Variants in LRBA observed in about 807,000 individuals in gnomAD.
LRBA encodes the protein LPS responsive beige-like anchor protein, also known as lipopolysaccharide-responsive and beige-like anchor protein.
In LRBA, 176 loss-of-function variants were observed where a neutral mutation model predicts 330.0. The observed-to-expected ratio is 0.53, with a 90% CI of 0.47 to 0.60. LRBA has a LOEUF of 0.60. Among genes scored for constraint, LRBA ranks in the 20% least tolerant of loss-of-function variants. The pLI is 0.00. For synonymous variants in LRBA, 1,230 were observed against 1,193.0 expected, an observed-to-expected ratio of 1.03 and a Z score of -0.64; for missense variants, 3,259 against 3,444.8, an observed-to-expected ratio of 0.95 and a Z score of 1.35.
intron 40 of LRBA, among the ~76,000 whole-genome samples, chr4:150,503,299 C>T (rs1275041191): frequency 6.6e-6 from 1 of 152,186 alleles, no homozygotes; most frequent in African/African-American, 2.4e-5. Context: ...TGGGAGGCAC[C>T]CCCCAGTAGG....
chr4:150,533,266 A>C (rs1764244530), intron 40 of LRBA, among the ~76,000 whole-genome samples: 1 of 152,004 alleles, frequency 6.6e-6, no homozygotes, highest in African/African-American at 2.4e-5. Flanking sequence ...TCACAGCCTC[A>C]ACTTCCTGGG....
intron 37 of LRBA, among the ~76,000 whole-genome samples, chr4:150,599,513 G>A (rs1773884752): frequency 6.6e-6 from 1 of 152,122 alleles, no homozygotes; most frequent in Non-Finnish European, 1.5e-5. Context: ...CCAGAATAGG[G>A]AAAAGGCTAT....
intron 40 of LRBA, among the ~76,000 whole-genome samples, chr4:150,556,342 CTA>C (rs1767311291): frequency 1.3e-5 from 2 of 152,110 alleles, no homozygotes; most frequent in Non-Finnish European, 2.9e-5. Context: ...TAAACAGCAA[CTA>C]TGTTTGAAGT....
At chr4:150,876,703 C>T (rs757497547) in intron 17 of LRBA, among the ~76,000 whole-genome samples, 1 of 152,164 alleles carries the variant, frequency 6.6e-6, no homozygotes, top group Non-Finnish European at 1.5e-5. Flanking sequence ...TACAAGAGAT[C>T]CTTAAGGGAG....
chr4:150,649,962 A>G (rs922238771), intron 37 of LRBA, among the ~76,000 whole-genome samples: 1 of 152,188 alleles, frequency 6.6e-6, no homozygotes, highest in African/African-American at 2.4e-5. Flanking sequence ...AATAATAGAT[A>G]AGAGGTTGCG....
chr4:150,445,150 T>C lies in LRBA; in HGVS notation c.6781-8286A>G, dbSNP rs565826035. On this transcript the variant is annotated intron_variant, in intron 44 of 56. Coordinates refer to ENST00000651943, the MANE Select transcript of LRBA (RefSeq NM_001364905.1). The stretch of plus-strand genomic sequence containing the variant: ...CCACTTAAAAAACCAGTTAAGGCCA[T>C]TAAAATCAAATAAATCTATATGCTT... 3.0e-4 allele frequency among the ~76,000 whole-genome samples: 46 copies of C among 152,178 alleles called. 2 individuals carry two copies. In the South Asian group the frequency reaches 9.5e-3, roughly 32 times the overall value.
In LRBA at chr4:150,487,727, A is replaced by G. The variant is rs760286539; in HGVS notation, c.6551+5T>C. The G allele has an allele frequency of 6.4e-7, 1 of 1,572,976 alleles. No homozygotes were observed. The highest frequency in any genetic ancestry group is 2.3e-5 in the East Asian group (1 of 44,422). On this transcript the variant is annotated splice_donor_5th_base_variant and intron_variant, in intron 42 of 56. Transcript: ENST00000651943. ...TTTCCCTAAGTTTCTCATATAAAAC[A>G]GTACCTGGTTTGAGGCAATCCAAAA... is the stretch of plus-strand genomic sequence containing the variant.
intron 55 of LRBA, among the ~76,000 whole-genome samples, chr4:150,281,384 C>T (rs572725407): frequency 6.6e-6 from 1 of 152,176 alleles, no homozygotes; most frequent in South Asian, 2.1e-4. Context: ...AGAAGGAAGC[C>T]GTCCACTGAA....
chr4:150,965,899 A>G (rs1385449808), intron 2 of LRBA, among the ~76,000 whole-genome samples: 1 of 152,070 alleles, frequency 6.6e-6, no homozygotes, highest in Non-Finnish European at 1.5e-5. Context: ...AGCAAGGGAT[A>G]ATGTATGCTG....
chr4:150,742,301 G>A (rs990614844), intron 35 of LRBA, among the ~76,000 whole-genome samples: 8 of 151,500 alleles, frequency 5.3e-5, no homozygotes, highest in Non-Finnish European at 1.2e-4. Context: ...ATGTGCCATC[G>A]TACCCTGTAA....
At chr4:150,922,846 C>T (rs562732858) in intron 4 of LRBA, among the ~76,000 whole-genome samples, 1 of 152,166 alleles carries the variant, frequency 6.6e-6, no homozygotes, top group African/African-American at 2.4e-5. Flanking sequence ...CTCATAACCA[C>T]CCTATGGGAT....
At chr4:150,567,553 A>G (rs1368975242) in intron 40 of LRBA, among the ~76,000 whole-genome samples, 1 of 152,148 alleles carries the variant, frequency 6.6e-6, no homozygotes, top group East Asian at 1.9e-4. Flanking sequence ...ACTGCTTCTG[A>G]GCTCTAGCAA....
intron 28 of LRBA, among the ~76,000 whole-genome samples, chr4:150,843,826 C>T (rs1464082948): frequency 6.6e-6 from 1 of 152,122 alleles, no homozygotes; most frequent in Admixed American, 6.5e-5. Flanking sequence ...AGTTGTTGGA[C>T]TTAATTAATA....
intron 33 of LRBA, among the ~76,000 whole-genome samples, chr4:150,804,385 T>G (rs758129517): frequency 6.6e-6 from 1 of 152,280 alleles, no homozygotes; most frequent in Non-Finnish European, 1.5e-5. Context: ...AACTAAAGCT[T>G]CATATGTACC....
At chr4:150,504,646 A>T (rs1022769786) in intron 40 of LRBA, among the ~76,000 whole-genome samples, 2 of 152,326 alleles carry the variant, frequency 1.3e-5, no homozygotes, top group Admixed American at 6.5e-5. Flanking sequence ...AACATGCCAA[A>T]TTGTAAAGAC....
chr4:150,930,078 A>C (rs1010697737), intron 2 of LRBA, among the ~76,000 whole-genome samples: 2 of 151,800 alleles, frequency 1.3e-5, no homozygotes, highest in Non-Finnish European at 2.9e-5. Context: ...ACTTTGGGAG[A>C]CCGAGGCAGG....
chr4:150,460,511 A>G (rs1754638768), intron 44 of LRBA, among the ~76,000 whole-genome samples: 1 of 151,888 alleles, frequency 6.6e-6, no homozygotes, highest in African/African-American at 2.4e-5. Context: ...CTGCTAGGTT[A>G]ACAGAGTGTG....
intron 37 of LRBA, among the ~76,000 whole-genome samples, chr4:150,647,082 G>A (rs1404236502): frequency 6.6e-6 from 1 of 151,838 alleles, no homozygotes; most frequent in Admixed American, 6.6e-5. Context: ...TAATATTTTA[G>A]TAAAAATCAG....
intron 2 of LRBA, among the ~76,000 whole-genome samples, chr4:150,982,293 A>G (rs1478756956): frequency 2.6e-5 from 4 of 152,206 alleles, no homozygotes; most frequent in Admixed American, 2.6e-4. Flanking sequence ...AAAAGTACTT[A>G]CGTACATTGT....
Sources: gnomAD v4.1 joint callset for allele counts (sites outside exome capture counted in the v4.1 genomes callset) on GRCh38, gnomAD v4.1.1 for gene constraint, MANE v1.5 for transcripts, NCBI Gene and HGNC (gene_info 2026-07-23, HGNC 2026-07-21) for gene names.